MARCHF7: variants seen among roughly 807,000 people sequenced by gnomAD.
MARCHF7 encodes the protein E3 ubiquitin-protein ligase MARCHF7.
A neutral mutation model predicts 76.5 loss-of-function variants in MARCHF7; 20 were observed. That is an observed-to-expected ratio of 0.26 (90% CI 0.18 to 0.38). The LOEUF is 0.38. Ranked by LOEUF, MARCHF7 falls within the 10% of genes least tolerant of loss-of-function variation. The probability of loss-of-function intolerance (pLI) is 1.00; values close to 1 mark genes in which losing one functional copy is unlikely to be tolerated. For missense variants in MARCHF7, 797 were observed against 812.9 expected (o/e 0.98, Z 0.24); for synonymous variants, 295 against 293.0 (o/e 1.01, Z -0.07).
intron 9 of MARCHF7, among the ~76,000 whole-genome samples, chr2:159,761,113 C>T (rs1266547309): frequency 6.6e-6 from 1 of 151,002 alleles, no homozygotes; most frequent in Non-Finnish European, 1.5e-5. Context: ...ACAACCTCTG[C>T]CTCCTGAGTT....
chr2:159,737,896 G>C (rs1005779824), intron 4 of MARCHF7, among the ~76,000 whole-genome samples: 3 of 152,232 alleles, frequency 2.0e-5, no homozygotes, highest in African/African-American at 7.2e-5. Context: ...GTCAGCACTT[G>C]GAGTGTTGCT....
At position 159,736,674 on chromosome 2, in the gene MARCHF7, G is replaced by T. The variant is rs183090193; in HGVS notation, c.154-6387G>T. ...GACTTATACAATAGTAATAGTAAAT[G>T]ATTTCATTGACTATACTTCCAGTAA... On this transcript the variant is annotated intron_variant, in intron 4 of 11. Transcript: ENST00000409175. Among the ~76,000 whole-genome samples, 74 of 152,254 alleles carry T rather than the reference G, an allele frequency of 4.9e-4. 1 individual carries two copies. Among genetic ancestry groups the T allele is most frequent in the African/African-American group, 1.7e-3 (72 of 41,544 alleles).
In MARCHF7 at chr2:159,761,406, C is replaced by CTTTTTTTTTTTTTTT. The variant is rs747902045; in HGVS notation, c.1894-1463_1894-1449dup. 2.8e-4 allele frequency among the ~76,000 whole-genome samples: 21 copies of CTTTTTTTTTTTTTTT among 73,778 alleles called. 4 individuals carry two copies. The highest frequency in any genetic ancestry group is 7.5e-4 in the Admixed American group (3 of 4,006). The allele number at this position is 73,778 out of a possible 152,430, so 48.4% of individuals were successfully genotyped here. A position where few individuals can be genotyped will look rare whatever the true frequency, so the allele number is the denominator to read the frequency against. ...ACAATAATTATTAAGTGAATCATTT[C>CTTTTTTTTTTTTTTT]TTTTTTTTTTTTTTTTTTTTTTTTT... On this transcript the variant is annotated intron_variant, in intron 9 of 11. Coordinates refer to ENST00000409175, the MANE Select transcript of MARCHF7 (RefSeq NM_001282805.2).
intron 9 of MARCHF7, 150 bp downstream of exon 9, chr2:159,759,485 A>T: frequency 2.5e-6 from 1 of 398,654 alleles, no homozygotes; most frequent in Non-Finnish European, 4.5e-6. Flanking sequence ...TTACTGCATT[A>T]GGTGTTAGAA....
chr2:159,734,312 G>T (rs909637500), intron 4 of MARCHF7, among the ~76,000 whole-genome samples: 1 of 141,164 alleles, frequency 7.1e-6, no homozygotes, highest in African/African-American at 2.6e-5. Context: ...GCTTTTTAAA[G>T]TTATTGATAC....
At chr2:159,722,143 C>G (rs910661565) in intron 3 of MARCHF7, among the ~76,000 whole-genome samples, 1 of 151,762 alleles carries the variant, frequency 6.6e-6, no homozygotes, top group Non-Finnish European at 1.5e-5. Flanking sequence ...TTTCTTTTTT[C>G]TTTTTTTGTT....
intron 3 of MARCHF7, among the ~76,000 whole-genome samples, chr2:159,727,794 C>A (rs1325026009): frequency 2.6e-5 from 4 of 152,126 alleles, no homozygotes; most frequent in Non-Finnish European, 5.9e-5. Context: ...TAGTGTTGAG[C>A]AAATGAAGTT....
At chr2:159,745,971 T>G in intron 6 of MARCHF7, 34 bp downstream of exon 6, 1 of 1,560,338 alleles carries the variant, frequency 6.4e-7, no homozygotes, top group African/African-American at 1.4e-5. Flanking sequence ...TAACTTCTCA[T>G]AATGTTCCAT....
intron 3 of MARCHF7, among the ~76,000 whole-genome samples, chr2:159,721,214 A>G (rs536363912): frequency 1.1e-4 from 16 of 152,094 alleles, no homozygotes; most frequent in Admixed American, 7.9e-4. Context: ...AGTCCACCTT[A>G]TTGTGAGGAG....
chr2:159,764,776 A>G (rs1375129618), intron 11 of MARCHF7, 102 bp downstream of exon 11: 2 of 741,106 alleles, frequency 2.7e-6, no homozygotes, highest in East Asian at 5.9e-5. Flanking sequence ...ATTAGAGCTC[A>G]TTTATAGGCT....
chr2:159,758,965 G>A (rs564874462), intron 8 of MARCHF7, among the ~76,000 whole-genome samples: 1 of 152,320 alleles, frequency 6.6e-6, no homozygotes, highest in African/African-American at 2.4e-5. Flanking sequence ...GGATGTATGA[G>A]TATCTGGGAG....
Position 159,752,486 on chromosome 2 carries a change from G to T in MARCHF7, c.1698G>T (p.Leu566=), listed in dbSNP as rs776637280. ...CAGCTGCATCATCATCTAATTTGCTGATAGAGCCATGCAAGTGCACAGGAA... is the reference window on the plus strand; with the variant it reads ...CAGCTGCATCATCATCTAATTTGCTTATAGAGCCATGCAAGTGCACAGGAA... ...QMAAASSSNL[L]IEPCKCTGSL... Residue 566 remains leucine, a synonymous_variant, in exon 8 of 12, where the codon CTG becomes CTT. Transcript: ENST00000409175. 3.0e-5 allele frequency: 48 copies of T among 1,606,638 alleles called. No homozygotes were observed. Among genetic ancestry groups the T allele is most frequent in the Non-Finnish European group, 3.9e-5 (46 of 1,177,200 alleles).
At chr2:159,725,607 A>T (rs1276750115) in intron 3 of MARCHF7, among the ~76,000 whole-genome samples, 2 of 152,270 alleles carry the variant, frequency 1.3e-5, no homozygotes, top group East Asian at 3.9e-4. Flanking sequence ...AGATTGCAAA[A>T]ATTTTCTCCC....
chr2:159,732,137 T>G (rs1702885347), intron 4 of MARCHF7, among the ~76,000 whole-genome samples: 1 of 152,008 alleles, frequency 6.6e-6, no homozygotes, highest in South Asian at 2.1e-4. Context: ...AAAAAAAAAT[T>G]TAAATGTCAT....
At position 159,768,673 on chromosome 2, in the gene MARCHF7, AATAAT is replaced by A. The variant is rs900516667; in HGVS notation, c.*1336_*1340del. Reference sequence around the variant, plus strand: ...TACAATTTCAAATCTCATTTTAAGCAATAATATAAATGTTCTAAAACATTTGCTCA... The same window carrying A: ...TACAATTTCAAATCTCATTTTAAGCAATAAATGTTCTAAAACATTTGCTCA... On this transcript the variant is annotated 3_prime_UTR_variant, in exon 12 of 12. Transcript: ENST00000409175. 75 of 152,754 alleles carry A rather than the reference AATAAT, an allele frequency of 4.9e-4. No homozygotes were observed. The highest frequency in any genetic ancestry group is 1.8e-3 in the African/African-American group (73 of 41,588). 9.5% of individuals were successfully genotyped at this position (152,754 alleles called of 1,614,324 possible).
Position 159,745,830 on chromosome 2 carries a change from G to C in MARCHF7, c.407G>C (p.Gly136Ala). ...RSSSMVLGSFGTDLMRERRDL... is the reference protein window; with the variant it reads ...RSSSMVLGSFATDLMRERRDL... ...TCATCAATGGTACTTGGATCATTTG[G>C]AACAGACTTAATGAGAGAGAGGAGA... is the stretch of plus-strand genomic sequence containing the variant. Residue 136 changes from glycine (G) to alanine (A), a missense_variant, in exon 6 of 12, where the codon GGA becomes GCA. Around this residue, in one of 3 missense-constraint regions of MARCHF7, gnomAD observed 643 missense variants for 631.5 expected, o/e 1.02. Transcript: ENST00000409175. 3 of 1,612,954 alleles carry C rather than the reference G, an allele frequency of 1.9e-6. No homozygotes were observed. In the South Asian group the frequency reaches 3.3e-5, roughly 18 times the overall value.
Position 159,748,712 on chromosome 2 carries a change from A to C in MARCHF7, c.1422A>C (p.Gly474=), listed in dbSNP as rs1325148267. 1.2e-6 allele frequency: 2 copies of C among 1,614,064 alleles called. No homozygotes were observed. The highest frequency in any genetic ancestry group is 1.7e-6 in the Non-Finnish European group (2 of 1,180,040). ...SDSAQGGRNT[G]ISGILPGSLF... is the part of the protein sequence containing the mutation. Reference sequence around the variant, plus strand: ...CGGCTCAAGGTGGAAGAAATACAGGAATATCAGGGATTCTTCCTGGTTCCT... The same window carrying C: ...CGGCTCAAGGTGGAAGAAATACAGGCATATCAGGGATTCTTCCTGGTTCCT... Residue 474 remains glycine, a synonymous_variant, in exon 7 of 12, where the codon GGA becomes GGC. Transcript: ENST00000409175.
At chr2:159,714,278 G>A (rs1700764130) in intron 1 of MARCHF7, among the ~76,000 whole-genome samples, 1 of 152,116 alleles carries the variant, frequency 6.6e-6, no homozygotes, top group Admixed American at 6.5e-5. Flanking sequence ...GTAATTTGTT[G>A]TAGTCAAATT....
In MARCHF7 at chr2:159,748,435, C is replaced by T; in HGVS notation, c.1145C>T (p.Thr382Ile). Residue 382 changes from threonine (T) to isoleucine (I), a missense_variant, in exon 7 of 12, where the codon ACA becomes ATA. By Grantham distance (89) the Thr-to-Ile change is moderately conservative (BLOSUM62 -1). Transcript: ENST00000409175. Reference sequence around the variant, plus strand: ...AACCAAGAATCTGAAGGTAGAAATACAGGACCATGGTTATCTTCCTCACTT... The same window carrying T: ...AACCAAGAATCTGAAGGTAGAAATATAGGACCATGGTTATCTTCCTCACTT... The part of the protein sequence containing the change: ...NFNQESEGRN[T>I]GPWLSSSLRN... 6.2e-7 allele frequency: 1 copy of T among 1,614,140 alleles called. No homozygotes were observed. Among genetic ancestry groups the T allele is most frequent in the Non-Finnish European group, 8.5e-7 (1 of 1,180,020 alleles).
Sources: gnomAD v4.1 joint callset for allele counts (sites outside exome capture counted in the v4.1 genomes callset) on GRCh38, gnomAD v4.1.1 for gene constraint, gnomAD v4.1.1 regional missense constraint, MANE v1.5 for transcripts, NCBI Gene and HGNC (gene_info 2026-07-23, HGNC 2026-07-21) for gene names.